The following CTNNA2 variants were observed in gnomAD, a reference collection of about 807,000 sequenced individuals.
The protein encoded by CTNNA2 is catenin alpha-2.
CTNNA2 carries 42 observed loss-of-function variants against 101.0 expected under a neutral mutation model. The observed-to-expected ratio is 0.42, with a 90% confidence interval of 0.32 to 0.54. The LOEUF (loss-of-function observed/expected upper bound fraction) is 0.54. Among genes scored for constraint, CTNNA2 ranks in the 20% least tolerant of loss-of-function variants. The pLI, the probability that CTNNA2 is intolerant of heterozygous loss-of-function variation, is 0.14. For missense variants in CTNNA2, 871 were observed against 1,223.1 expected (o/e 0.71, Z 4.29); for synonymous variants, 450 against 456.4 (o/e 0.99, Z 0.18).
chr2:79,364,721 G>A (rs879331726), intron 3 of CTNNA2, among the ~76,000 whole-genome samples: 5 of 152,108 alleles, frequency 3.3e-5, no homozygotes, highest in Non-Finnish European at 5.9e-5. Context: ...AGAAAATGTA[G>A]CCTCATTCTC....
chr2:80,231,946 G>A (rs1054937428), intron 7 of CTNNA2, among the ~76,000 whole-genome samples: 8 of 152,040 alleles, frequency 5.3e-5, no homozygotes, highest in Non-Finnish European at 1.0e-4. Context: ...GGCCACCTAT[G>A]AGATTTTATC....
intron 7 of CTNNA2, among the ~76,000 whole-genome samples, chr2:79,949,472 T>TA (rs993574600): frequency 6.6e-6 from 1 of 152,284 alleles, no homozygotes; most frequent in African/African-American, 2.4e-5. Context: ...GGGTTCATTT[T>TA]AAAAATGAGG....
intron 1 of CTNNA2, among the ~76,000 whole-genome samples, chr2:79,650,119 A>G (rs1402647797): frequency 7.8e-6 from 1 of 129,004 alleles, no homozygotes; most frequent in African/African-American, 3.0e-5. Context: ...GTCAGAATGT[A>G]TTTAGCAATT....
At chr2:80,386,875 T>C (rs1460743166) in intron 7 of CTNNA2, among the ~76,000 whole-genome samples, 1 of 152,080 alleles carries the variant, frequency 6.6e-6, no homozygotes, top group African/African-American at 2.4e-5. Context: ...CACATATTAA[T>C]ATAGTACCCT....
rs140967789 is a variant in CTNNA2 at position 79,807,187 on chromosome 2, A to G, written c.299-50826A>G. Among the ~76,000 whole-genome samples, 3 of 152,252 alleles carry G rather than the reference A, an allele frequency of 2.0e-5. No homozygotes were observed. The East Asian group carries it at 5.8e-4, about 29-fold the overall frequency. On this transcript the variant is annotated intron_variant, in intron 3 of 18. Transcript: ENST00000402739. The stretch of plus-strand genomic sequence containing the variant: ...TTTTGGTTTGCTCATCCATTCTACT[A>G]GACTGGGAATTATTTTTCTTTTGTG...
At chr2:79,821,356 G>A (rs1267152321) in intron 3 of CTNNA2, among the ~76,000 whole-genome samples, 5 of 152,062 alleles carry the variant, frequency 3.3e-5, no homozygotes, top group African/African-American at 1.2e-4. Flanking sequence ...CTACAGCTGT[G>A]CATCACCATT....
chr2:80,245,822 T>TTTTTTTTTTTTTTTTTTTTTTTTTTTTG (rs1558937542), intron 7 of CTNNA2, among the ~76,000 whole-genome samples: 2 of 135,468 alleles, frequency 1.5e-5, no homozygotes, highest in African/African-American at 5.8e-5. Context: ...TTTTTTTTTT[T>TTTTTTTTTTTTTTTTTTTTTTTTTTTTG]TGCACTCTGT....
intron 7 of CTNNA2, among the ~76,000 whole-genome samples, chr2:79,980,589 A>T (rs1013517085): frequency 6.6e-6 from 1 of 152,154 alleles, no homozygotes; most frequent in Non-Finnish European, 1.5e-5. Flanking sequence ...GATATTTATA[A>T]ACCTCATTAT....
chr2:80,070,003 A>G (rs866836743), intron 7 of CTNNA2, among the ~76,000 whole-genome samples: 2 of 152,212 alleles, frequency 1.3e-5, no homozygotes, highest in African/African-American at 4.8e-5. Flanking sequence ...GAGATCTTCT[A>G]TATTCCAGAC....
intron 7 of CTNNA2, among the ~76,000 whole-genome samples, chr2:80,015,458 C>T (rs1694077119): frequency 6.6e-6 from 1 of 152,138 alleles, no homozygotes; most frequent in Non-Finnish European, 1.5e-5. Flanking sequence ...CACCCTGAAG[C>T]GCTCTCTGAT....
chr2:79,645,556 T>C (rs1298298855), intron 1 of CTNNA2, among the ~76,000 whole-genome samples: 1 of 152,098 alleles, frequency 6.6e-6, no homozygotes, highest in Non-Finnish European at 1.5e-5. Context: ...GCTGAAGAAA[T>C]TTAGAAAATT....
At position 79,816,698 on chromosome 2, in the gene CTNNA2, G is replaced by T. The variant is rs542785508; in HGVS notation, c.299-41315G>T. Among the ~76,000 whole-genome samples, 4 of 152,252 alleles carry T rather than the reference G, an allele frequency of 2.6e-5. No individual in the cohort carries two copies. The East Asian group carries it at 7.7e-4, about 29-fold the overall frequency. ...GGTAGCTCCACACATTGCTGCTGAT[G>T]ATACTAGCAATACATGTTAACATTC... On this transcript the variant is annotated intron_variant, in intron 3 of 18. Coordinates refer to ENST00000402739, the MANE Select transcript of CTNNA2 (RefSeq NM_001282597.3).
In CTNNA2 at chr2:80,510,126, G is replaced by A. The variant is rs188663512; in HGVS notation, c.1291-34856G>A. On this transcript the variant is annotated intron_variant, in intron 9 of 18. Coordinates refer to ENST00000402739, the MANE Select transcript of CTNNA2 (RefSeq NM_001282597.3). ...TTTAATAAAACAACATTTAGCTTAT[G>A]AATTCAGTATCTCCCTGTTAACTTT... 2.6e-5 allele frequency among the ~76,000 whole-genome samples: 4 copies of A among 152,294 alleles called. No individual in the cohort carries two copies. The East Asian group carries it at 7.7e-4, about 29-fold the overall frequency.
chr2:79,792,946 G>A (rs1463609300), intron 3 of CTNNA2, among the ~76,000 whole-genome samples: 1 of 152,116 alleles, frequency 6.6e-6, no homozygotes, highest in Non-Finnish European at 1.5e-5. Context: ...AAATTCATTG[G>A]TTCTTGTACT....
chr2:80,177,503 T>C (rs1183053800), intron 7 of CTNNA2, among the ~76,000 whole-genome samples: 1 of 152,150 alleles, frequency 6.6e-6, no homozygotes, highest in Non-Finnish European at 1.5e-5. Flanking sequence ...AGGTCAGCCT[T>C]GGTGAGTGGA....
chr2:80,152,292 C>T (rs544780269), intron 7 of CTNNA2, among the ~76,000 whole-genome samples: 10 of 151,562 alleles, frequency 6.6e-5, no homozygotes, highest in South Asian at 6.3e-4. Context: ...TGGCAGATCC[C>T]GGAGAAGAAC....
At chr2:79,973,467 G>A (rs182889010) in intron 7 of CTNNA2, among the ~76,000 whole-genome samples, 30 of 152,270 alleles carry the variant, frequency 2.0e-4, no homozygotes, top group African/African-American at 6.7e-4. Flanking sequence ...TCACACAGAT[G>A]AGGTAAGTTG....
In CTNNA2 at chr2:79,424,025, AAAT is replaced by A. The variant is rs144562577; in HGVS notation, c.-135+50018_-135+50020del. Among the ~76,000 whole-genome samples the A allele has an allele frequency of 1.4e-3, 217 of 152,192 alleles. 1 individual carries two copies. The highest frequency in any genetic ancestry group is 5.0e-3 in the African/African-American group (207 of 41,516). On this transcript the variant is annotated intron_variant, in intron 4 of 21. Coordinates refer to the CTNNA2 transcript ENST00000466387. ...CTCCACTGCTTGTGATTTGTCCAAA[AAAT>A]AATAAGTTGTTTCTCTAGCTTGTTA...
At chr2:79,995,553 G>C (rs929428110) in intron 7 of CTNNA2, among the ~76,000 whole-genome samples, 1 of 152,176 alleles carries the variant, frequency 6.6e-6, no homozygotes, top group Non-Finnish European at 1.5e-5. Context: ...TCTCATGCCT[G>C]TAATCCCAGC....
Sources: allele counts gnomAD v4.1 joint callset (sites outside exome capture counted in the v4.1 genomes callset), GRCh38; gene constraint gnomAD v4.1.1; transcripts MANE v1.5; gene names NCBI Gene and HGNC (gene_info 2026-07-23, HGNC 2026-07-21).